Variants in POR observed in about 807,000 individuals in gnomAD.
The protein encoded by POR is cytochrome p450 oxidoreductase, also known as NADPH--cytochrome P450 reductase.
In POR, 56 loss-of-function variants were observed where a neutral mutation model predicts 84.0. That is an observed-to-expected ratio of 0.67 (90% CI 0.54 to 0.83). POR has a LOEUF of 0.83. Ranked by LOEUF, POR falls within the 40% of genes least tolerant of loss-of-function variation. The pLI, the probability that POR is intolerant of heterozygous loss-of-function variation, is 0.00. For synonymous variants in POR, 414 were observed against 400.5 expected (o/e 1.03, Z -0.40); for missense variants, 938 against 944.3 (o/e 0.99, Z 0.09).
intron 2 of POR, among the ~76,000 whole-genome samples, chr7:75,964,153 C>G (rs1470102405): frequency 6.6e-6 from 1 of 151,874 alleles, no homozygotes; most frequent in Admixed American, 6.6e-5. Flanking sequence ...GTGCCTGCCA[C>G]CACGCCCAGC....
At chr7:75,950,705 A>G (rs887741982) in intron 1 of POR, among the ~76,000 whole-genome samples, 5 of 152,242 alleles carry the variant, frequency 3.3e-5, no homozygotes, top group African/African-American at 1.2e-4. Context: ...AAATGTGTTT[A>G]TAAGATTAAA....
intron 8 of POR, chr7:75,983,312 G>A (rs1407435858): frequency 2.8e-5 from 15 of 543,186 alleles, no homozygotes; most frequent in Non-Finnish European, 4.5e-5. Flanking sequence ...CTGCACTCCA[G>A]CCTGGGTGGC....
At chr7:75,923,307 AT>A in intron 1 of POR, 2 of 1,202,304 alleles carry the variant, frequency 1.7e-6, no homozygotes, top group South Asian at 2.4e-5. Flanking sequence ...TTTCCAGGAG[AT>A]CTCATGGTTC....
intron 1 of POR, among the ~76,000 whole-genome samples, chr7:75,928,656 A>C (rs568807426): frequency 5.9e-5 from 9 of 152,302 alleles, no homozygotes; most frequent in Non-Finnish European, 1.3e-4. Flanking sequence ...CCCTGCCCAC[A>C]CTAGACGTTG....
chr7:75,950,457 T>C (rs1563412179), intron 1 of POR, among the ~76,000 whole-genome samples: 1 of 152,194 alleles, frequency 6.6e-6, no homozygotes, highest in Non-Finnish European at 1.5e-5. Flanking sequence ...GTTTCTTGGC[T>C]GCTGCCTTGT....
chr7:75,983,539 C>A lies in POR; in HGVS notation c.850C>A (p.Pro284Thr), dbSNP rs72557937. The A allele has an allele frequency of 2.2e-5, 36 of 1,612,890 alleles. No individual in the cohort carries two copies. In the African/African-American group the frequency reaches 4.7e-4, roughly 21 times the overall value. The change falls in exon 9 of 16, where the codon CCG becomes ACG. Residue 284 changes from proline to threonine, a missense_variant. Physicochemically the swap from Pro to Thr is conservative, Grantham distance 38. Coordinates refer to ENST00000461988, the MANE Select transcript of POR (RefSeq NM_000941.3). ...ACCCAGCCCCTTTGATGCCAAGAATCCGTTCCTGGCTGCAGTCACCACCAA... is the reference window on the plus strand; with the variant it reads ...ACCCAGCCCCTTTGATGCCAAGAATACGTTCCTGGCTGCAGTCACCACCAA...
intron 6 of POR, 32 bp downstream of exon 6, chr7:75,981,204 C>T (rs1479619820): frequency 6.6e-6 from 10 of 1,508,304 alleles, no homozygotes; most frequent in Admixed American, 4.3e-5. Context: ...ATGATCAGCG[C>T]GGCGGGCTTA....
At chr7:75,930,621 C>T (rs1343705598) in intron 1 of POR, among the ~76,000 whole-genome samples, 2 of 152,102 alleles carry the variant, frequency 1.3e-5, no homozygotes, top group Non-Finnish European at 2.9e-5. Flanking sequence ...CTCCCGGGTT[C>T]AAGTGATTCT....
chr7:75,970,355 A>G (rs1788375436), intron 2 of POR, among the ~76,000 whole-genome samples: 2 of 150,352 alleles, frequency 1.3e-5, no homozygotes, highest in South Asian at 2.2e-4. Context: ...GGGTGTTTGA[A>G]GCTGCAGTGA....
chr7:75,972,933 G>A (rs781847200), intron 3 of POR, among the ~76,000 whole-genome samples: 2 of 151,454 alleles, frequency 1.3e-5, no homozygotes, highest in African/African-American at 2.4e-5. Flanking sequence ...AGCCATTCTC[G>A]TGCCTCAGCC....
At chr7:75,951,986 G>T (rs537299731) in intron 1 of POR, among the ~76,000 whole-genome samples, 1 of 150,466 alleles carries the variant, frequency 6.6e-6, no homozygotes, top group Non-Finnish European at 1.5e-5. Flanking sequence ...CCTCCCTCCC[G>T]GACGGGGCGG....
intron 4 of POR, 199 bp downstream of exon 4, chr7:75,979,778 C>A: frequency 2.9e-6 from 2 of 689,220 alleles, no homozygotes; most frequent in Non-Finnish European, 4.6e-6. Flanking sequence ...GCAGTTGCAG[C>A]CACGTGCCAG....
At chr7:75,916,970 G>A (rs1554548137) in intron 1 of POR, among the ~76,000 whole-genome samples, 1 of 152,158 alleles carries the variant, frequency 6.6e-6, no homozygotes, top group African/African-American at 2.4e-5. Context: ...GTATGATTAG[G>A]AGACAGGCCA....
chr7:75,953,471 G>T (rs1787543894), intron 1 of POR, among the ~76,000 whole-genome samples: 1 of 152,100 alleles, frequency 6.6e-6, no homozygotes, highest in South Asian at 2.1e-4. Context: ...AGACACTCTT[G>T]CCAGTCAGGA....
At chr7:75,983,369 C>A in intron 8 of POR, 151 bp from the exon 9 acceptor site, 1 of 620,220 alleles carries the variant, frequency 1.6e-6, no homozygotes, top group Non-Finnish European at 2.9e-6. Flanking sequence ...TGCATTGGAC[C>A]AGGCTGGGAG....
chr7:75,930,335 AG>A (rs1554550011), intron 1 of POR, among the ~76,000 whole-genome samples: 2 of 152,072 alleles, frequency 1.3e-5, no homozygotes, highest in Non-Finnish European at 2.9e-5. Flanking sequence ...TTCAGAAACT[AG>A]CCAGGCGTAG....
intron 3 of POR, among the ~76,000 whole-genome samples, chr7:75,974,243 T>C (rs571509037): frequency 2.0e-5 from 3 of 152,282 alleles, no homozygotes; most frequent in East Asian, 3.9e-4. Context: ...AGAAGTGGAA[T>C]TGCTGGATTG....
intron 1 of POR, among the ~76,000 whole-genome samples, chr7:75,916,184 C>A (rs781836721): frequency 6.6e-6 from 1 of 152,134 alleles, no homozygotes; most frequent in African/African-American, 2.4e-5. Flanking sequence ...CCCTGCTCTC[C>A]CCACAGGGTT....
rs72557928 is a variant in POR, at chr7:75,984,901, G to T, written c.1191G>T (p.Ser397=). The T allele has an allele frequency of 3.0e-5, 49 of 1,610,776 alleles. No individual in the cohort carries two copies. The highest frequency in any genetic ancestry group is 3.7e-5 in the Non-Finnish European group (44 of 1,178,608). ...TGTACGAGCTGGCGCAGTACGCCTC[G>T]GAGCCCTCGGAGCAGGAGCTGCTGC... The change falls in exon 11 of 16, where the codon TCG becomes TCT. Residue 397 remains serine (S), a synonymous_variant. Transcript: ENST00000461988.
Sources: gnomAD v4.1 joint callset for allele counts (sites outside exome capture counted in the v4.1 genomes callset) on GRCh38, gnomAD v4.1.1 for gene constraint, MANE v1.5 for transcripts, NCBI Gene and HGNC (gene_info 2026-07-23, HGNC 2026-07-21) for gene names.